MAMSTR: variants seen among roughly 807,000 people sequenced by gnomAD.
MAMSTR encodes the protein MEF2 activating motif and SAP domain containing transcriptional regulator, also known as MEF2-activating motif and SAP domain-containing transcriptional regulator.
A neutral mutation model predicts 42.7 loss-of-function variants in MAMSTR; 41 were observed. That is an observed-to-expected ratio of 0.96 (90% CI 0.75 to 1.25). The LOEUF (loss-of-function observed/expected upper bound fraction) is 1.25, where lower values mean the gene tolerates loss of function less well. MAMSTR is among the 50% of genes most tolerant of loss of function. The probability of loss-of-function intolerance (pLI) is 0.00; values close to 1 mark genes in which losing one functional copy is unlikely to be tolerated. For synonymous variants in MAMSTR, 265 were observed against 244.1 expected, an observed-to-expected ratio of 1.09 and a Z score of -0.80; for missense variants, 567 against 557.6, an observed-to-expected ratio of 1.02 and a Z score of -0.17.
At chr19:48,718,826 G>T in intron 2 of MAMSTR, 148 bp downstream of exon 2, 1 of 747,116 alleles carries the variant, frequency 1.3e-6, no homozygotes, top group Non-Finnish European at 2.2e-6. Flanking sequence ...ACCACAGCCG[G>T]ACCCCTGTGC....
In MAMSTR at chr19:48,713,902, C is replaced by T. The variant is rs759602557; in HGVS notation, c.867G>A (p.Leu289=). ...TPSSGPGSAA[L]TLEEELQEAI... is the part of the protein sequence containing the mutation. ...CTTCCTGCAGCTCCTCCTCCAGAGTCAGAGCCGCTGAGCCCGGCCCTGAGG... is the reference window on the plus strand; with the variant it reads ...CTTCCTGCAGCTCCTCCTCCAGAGTTAGAGCCGCTGAGCCCGGCCCTGAGG... Residue 289 remains leucine (L), a synonymous_variant, in exon 8 of 10, where the codon CTG becomes CTA. Coordinates refer to ENST00000318083, the MANE Select transcript of MAMSTR (RefSeq NM_001130915.2). 4.3e-6 allele frequency: 7 copies of T among 1,611,754 alleles called. No homozygotes were observed. The African/African-American group carries it at 5.3e-5, about 12-fold the overall frequency.
chr19:48,716,908 G>A (rs2033062808), intron 2 of MAMSTR, 165 bp from the exon 3 acceptor site: 2 of 1,212,408 alleles, frequency 1.6e-6, no homozygotes, highest in Admixed American at 8.8e-5. Context: ...CCCTTCCTCG[G>A]GCCTCCCGCC....
In MAMSTR at chr19:48,713,890, C is replaced by T. The variant is rs1230718278; in HGVS notation, c.879G>A (p.Glu293=). The change falls in exon 8 of 10, where the codon GAG becomes GAA. Residue 293 remains glutamate (E), a synonymous_variant. Transcript: ENST00000318083. The part of the protein sequence containing the change: ...GPGSAALTLE[E]ELQEAIRRAQ... ...CCCTCCGGATCGCTTCCTGCAGCTC[C>T]TCCTCCAGAGTCAGAGCCGCTGAGC... is the stretch of plus-strand genomic sequence containing the variant. The T allele has an allele frequency of 2.5e-6, 4 of 1,611,998 alleles. No homozygotes were observed. The highest frequency in any genetic ancestry group is 3.4e-6 in the Non-Finnish European group (4 of 1,178,574).
the MAMSTR span, among the ~76,000 whole-genome samples, chr19:48,706,278 C>G: frequency 7.9e-6 from 1 of 126,174 alleles, no homozygotes; most frequent in Non-Finnish European, 1.7e-5. Context: ...CAGAGTGAGA[C>G]TCCATCTCAA....
intron 9 of MAMSTR, 81 bp downstream of exon 9, chr19:48,713,634 TC>T: frequency 6.2e-7 from 1 of 1,604,340 alleles, no homozygotes; most frequent in Non-Finnish European, 8.5e-7. Context: ...AGGATCCAGC[TC>T]CCCAGCTCAC....
rs2032845823 is a variant in MAMSTR, at chr19:48,713,912, G to A, written c.857C>T (p.Ser286Leu). ...PALTPSSGPG[S>L]AALTLEEELQ... ...CTCCTCCTCCAGAGTCAGAGCCGCT[G>A]AGCCCGGCCCTGAGGAAGGGGTCAG... The change falls in exon 8 of 10, where the codon TCA becomes TTA. Residue 286 changes from serine to leucine, a missense_variant. By Grantham distance (145) the Ser-to-Leu change is moderately radical. Coordinates refer to ENST00000318083, the MANE Select transcript of MAMSTR (RefSeq NM_001130915.2). 1 of 1,611,880 alleles carries A rather than the reference G, an allele frequency of 6.2e-7. No individual in the cohort carries two copies. The highest frequency in any genetic ancestry group is 8.5e-7 in the Non-Finnish European group (1 of 1,178,452).
intron 5 of MAMSTR, 76 bp from the exon 6 acceptor site, chr19:48,714,984 G>C: frequency 1.1e-6 from 1 of 946,636 alleles, no homozygotes; most frequent in East Asian, 2.5e-5. Flanking sequence ...CCTCAAAGAC[G>C]GGGAGCTGGG....
intron 9 of MAMSTR, 58 bp downstream of exon 9, chr19:48,713,658 C>G: frequency 6.2e-7 from 1 of 1,609,936 alleles, no homozygotes; most frequent in Non-Finnish European, 8.5e-7. Context: ...CTCCCTTGGA[C>G]GCAGGAGTCC....
At chr19:48,708,821 C>T (rs956378364), downstream of MAMSTR, among the ~76,000 whole-genome samples, 4 of 151,698 alleles carry the variant, frequency 2.6e-5, no homozygotes, top group African/African-American at 4.9e-5. Context: ...ACAGGGATGA[C>T]GGATGCAGCA....
intron 3 of MAMSTR, among the ~76,000 whole-genome samples, chr19:48,716,436 C>A (rs375775070): frequency 1.4e-5 from 2 of 147,988 alleles, no homozygotes; most frequent in South Asian, 4.2e-4. Flanking sequence ...AATGTGGAGA[C>A]CAGGATGCCT....
intron 9 of MAMSTR, 50 bp from the exon 10 acceptor site, chr19:48,713,600 G>C (rs1393842131): frequency 6.3e-7 from 1 of 1,596,276 alleles, no homozygotes; most frequent in Non-Finnish European, 8.6e-7. Flanking sequence ...GGGTCCGGGC[G>C]CCAGCCCCCC....
chr19:48,710,596 A>AT (rs35728097), downstream of MAMSTR, among the ~76,000 whole-genome samples: 2,094 of 115,332 alleles, frequency 0.018, 42 homozygotes, highest in African/African-American at 0.041. Flanking sequence ...CCTGAAACCT[A>AT]TTTTTTTTTT....
Position 48,719,106 on chromosome 19 carries a change from A to T in MAMSTR, c.-21-54T>A. ...CCCATAGAGGGCTGGCTCAGAGTGG[A>T]GGTCAGGAGGCCGCCCCTGAGAGTG... On this transcript the variant is annotated intron_variant, in intron 1 of 9. Transcript: ENST00000318083. This position sits in a 1 kb window ranked among gnomAD's most constrained non-coding sequence, Gnocchi z 4.4. The T allele has an allele frequency of 7.8e-7, 1 of 1,282,160 alleles. No individual in the cohort carries two copies. Among genetic ancestry groups the T allele is most frequent in the Non-Finnish European group, 1.1e-6 (1 of 907,514 alleles). 79.4% of individuals were successfully genotyped at this position (1,282,160 alleles called of 1,614,324 possible).
chr19:48,710,093 G>A (rs779411135), downstream of MAMSTR, among the ~76,000 whole-genome samples: 20 of 151,336 alleles, frequency 1.3e-4, 1 homozygote, highest in Middle Eastern at 0.01. Context: ...TCCGGACCTC[G>A]TGATCCACCT....
rs531362811 is a variant in MAMSTR at position 48,716,098 on chromosome 19, G to T, written c.98-331C>A. Among the ~76,000 whole-genome samples, 25 of 152,208 alleles carry T rather than the reference G, an allele frequency of 1.6e-4. No homozygotes were observed. The South Asian group carries it at 5.2e-3, about 32-fold the overall frequency. On this transcript the variant is annotated intron_variant, in intron 3 of 9. Coordinates refer to ENST00000318083, the MANE Select transcript of MAMSTR (RefSeq NM_001130915.2). ...AGAGGCTGAAAGCTACATCCAGGCC[G>T]GCCGCGGTGGCTCACGCCTGTAATC...
downstream of MAMSTR, among the ~76,000 whole-genome samples, chr19:48,707,855 G>A (rs1309876715): frequency 5.0e-5 from 5 of 99,536 alleles, no homozygotes; most frequent in African/African-American, 1.9e-4. Context: ...AAGAAAGAAA[G>A]AAAGAAAGAA....
chr19:48,716,592 G>C, intron 3 of MAMSTR, 113 bp downstream of exon 3: 1 of 1,194,564 alleles, frequency 8.4e-7, no homozygotes, highest in Non-Finnish European at 1.1e-6. Flanking sequence ...CTGTCCCAGG[G>C]GATGGAGACT....
rs2122262260 is a variant in MAMSTR, at chr19:48,712,753, A to T, written c.*514T>A. 6.5e-6 allele frequency: 1 copy of T among 152,830 alleles called. No individual in the cohort carries two copies. Among genetic ancestry groups the T allele is most frequent in the South Asian group, 2.1e-4 (1 of 4,874 alleles). 9.5% of individuals were successfully genotyped at this position (152,830 alleles called of 1,614,324 possible). On this transcript the variant is annotated 3_prime_UTR_variant, in exon 10 of 10. Coordinates refer to ENST00000318083, the MANE Select transcript of MAMSTR (RefSeq NM_001130915.2). ...AGCCAGAACACTTCTTTAATAAATG[A>T]CTGGCATTTATATCTTGTCTCAGGC...
chr19:48,707,855 G>GA (rs910957811), downstream of MAMSTR, among the ~76,000 whole-genome samples: 8 of 99,540 alleles, frequency 8.0e-5, no homozygotes, highest in African/African-American at 2.7e-4. Flanking sequence ...AAGAAAGAAA[G>GA]AAAGAAAGAA....
Sources: allele counts gnomAD v4.1 joint callset (sites outside exome capture counted in the v4.1 genomes callset), GRCh38; gene constraint gnomAD v4.1.1; non-coding constraint Gnocchi (gnomAD v3.1); transcripts MANE v1.5; gene names NCBI Gene and HGNC (gene_info 2026-07-23, HGNC 2026-07-21).